CNTN3: variants seen among roughly 807,000 people sequenced by gnomAD.
CNTN3 encodes contactin-3.
Under a neutral mutation model 119.1 loss-of-function variants are expected in CNTN3, and 60 were observed. The observed-to-expected ratio is 0.50, with a 90% CI of 0.41 to 0.62. CNTN3 has a LOEUF of 0.62. Ranked by LOEUF, CNTN3 falls within the 20% of genes least tolerant of loss-of-function variation. CNTN3 has a pLI of 0.00. For missense variants in CNTN3, 1,101 were observed against 1,242.4 expected, an observed-to-expected ratio of 0.89 and a Z score of 1.71; for synonymous variants, 450 against 438.7, an observed-to-expected ratio of 1.03 and a Z score of -0.32.
chr3:74,360,028 T>C (rs1704043332), intron 11 of CNTN3, among the ~76,000 whole-genome samples: 2 of 152,334 alleles, frequency 1.3e-5, no homozygotes, highest in South Asian at 4.1e-4. Flanking sequence ...GGTTGGATTA[T>C]GGTGAACCAC....
At chr3:74,515,834 C>T (rs771681112) in intron 2 of CNTN3, among the ~76,000 whole-genome samples, 4 of 152,002 alleles carry the variant, frequency 2.6e-5, no homozygotes, top group Non-Finnish European at 5.9e-5. Flanking sequence ...AGCGTTTGAC[C>T]ATTCACTTAA....
chr3:74,284,976 C>T (rs985988848), intron 20 of CNTN3, among the ~76,000 whole-genome samples: 24 of 152,164 alleles, frequency 1.6e-4, no homozygotes, highest in Non-Finnish European at 1.5e-4. Flanking sequence ...TATCAGAAAT[C>T]CTCAAGCTTT....
At chr3:74,597,435 T>G (rs979220420) in intron 1 of CNTN3, among the ~76,000 whole-genome samples, 3 of 152,038 alleles carry the variant, frequency 2.0e-5, no homozygotes, top group African/African-American at 7.2e-5. Flanking sequence ...GCTACTGAGC[T>G]GTGGCTTTGT....
intron 4 of CNTN3, among the ~76,000 whole-genome samples, chr3:74,471,218 T>G (rs544896060): frequency 1.3e-5 from 2 of 152,058 alleles, no homozygotes; most frequent in South Asian, 2.1e-4. Context: ...GGGGGAGAGA[T>G]AACATTAGGA....
intron 4 of CNTN3, among the ~76,000 whole-genome samples, chr3:74,476,639 A>G (rs1702660499): frequency 6.6e-6 from 1 of 152,182 alleles, no homozygotes; most frequent in Non-Finnish European, 1.5e-5. Flanking sequence ...ATGAATACCT[A>G]AATACTTTAG....
chr3:74,361,568 C>A (rs113866425), intron 11 of CNTN3, among the ~76,000 whole-genome samples: 37 of 152,278 alleles, frequency 2.4e-4, no homozygotes, highest in African/African-American at 8.4e-4. Context: ...TCTTCTTTGT[C>A]CTGGGATGTG....
chr3:74,266,709 G>A, intron 21 of CNTN3, 60 bp from the exon 22 acceptor site: 1 of 1,495,354 alleles, frequency 6.7e-7, no homozygotes, highest in Non-Finnish European at 9.3e-7. Flanking sequence ...TTTCTTCATA[G>A]AATTTGTCTC....
intron 4 of CNTN3, among the ~76,000 whole-genome samples, chr3:74,470,874 TTGTTG>T (rs1313850093): frequency 2.8e-3 from 83 of 29,582 alleles, no homozygotes; most frequent in African/African-American, 0.014. Flanking sequence ...CGGTTTTTTG[TTGTTG>T]TTGTTGTTGT....
intron 2 of CNTN3, among the ~76,000 whole-genome samples, chr3:74,506,532 T>C (rs977939858): frequency 2.0e-5 from 3 of 152,192 alleles, no homozygotes; most frequent in East Asian, 1.9e-4. Flanking sequence ...ATTCATGCTA[T>C]TTTCTTTTTA....
At chr3:74,292,736 C>T (rs1479119298) in intron 19 of CNTN3, among the ~76,000 whole-genome samples, 3 of 152,202 alleles carry the variant, frequency 2.0e-5, no homozygotes, top group African/African-American at 7.2e-5. Flanking sequence ...ATTTTCCAAA[C>T]ACAGCTGGCA....
intron 11 of CNTN3, among the ~76,000 whole-genome samples, chr3:74,357,528 C>A (rs1185769613): frequency 6.6e-6 from 1 of 152,060 alleles, no homozygotes; most frequent in Non-Finnish European, 1.5e-5. Flanking sequence ...GGTGATCCAC[C>A]CGCCTTGGCC....
At chr3:74,458,698 G>C (rs952356230) in intron 4 of CNTN3, among the ~76,000 whole-genome samples, 1 of 152,020 alleles carries the variant, frequency 6.6e-6, no homozygotes, top group Non-Finnish European at 1.5e-5. Context: ...GATAGGAGAG[G>C]TTTCACTACA....
At chr3:74,445,192 C>T (rs112920847) in intron 4 of CNTN3, among the ~76,000 whole-genome samples, 105 of 152,286 alleles carry the variant, frequency 6.9e-4, no homozygotes, top group African/African-American at 2.5e-3. Context: ...CAATGCAACA[C>T]TTTCTAAAAT....
At chr3:74,375,193 G>T (rs60191749) in intron 5 of CNTN3, among the ~76,000 whole-genome samples, 1 of 151,996 alleles carries the variant, frequency 6.6e-6, no homozygotes, top group Non-Finnish European at 1.5e-5. Flanking sequence ...GATCCTTGAC[G>T]AACAACAAAG....
At chr3:74,403,872 C>T (rs1191260570) in intron 5 of CNTN3, among the ~76,000 whole-genome samples, 2 of 151,584 alleles carry the variant, frequency 1.3e-5, no homozygotes, top group Non-Finnish European at 2.9e-5. Flanking sequence ...CCTGCTCTGT[C>T]TACTCTTCTC....
At chr3:74,551,001 A>G (rs957025985) in intron 1 of CNTN3, among the ~76,000 whole-genome samples, 2 of 152,204 alleles carry the variant, frequency 1.3e-5, no homozygotes, top group African/African-American at 4.8e-5. Context: ...CGAGTCCCCA[A>G]TACGGACTAG....
intron 5 of CNTN3, among the ~76,000 whole-genome samples, chr3:74,386,804 A>G (rs929537369): frequency 6.6e-6 from 1 of 152,242 alleles, no homozygotes; most frequent in Non-Finnish European, 1.5e-5. Context: ...ATGAGTGTTC[A>G]ATAAATGTTT....
intron 4 of CNTN3, among the ~76,000 whole-genome samples, chr3:74,472,187 T>C (rs1702577652): frequency 6.6e-6 from 1 of 152,156 alleles, no homozygotes; most frequent in African/African-American, 2.4e-5. Context: ...GTGGTTCAAA[T>C]AATGCACTAC....
intron 13 of CNTN3, among the ~76,000 whole-genome samples, chr3:74,317,121 G>T (rs1702849686): frequency 6.7e-6 from 1 of 148,690 alleles, no homozygotes; most frequent in East Asian, 2.1e-4. Context: ...GATCTTTGTT[G>T]GTTTAAAGTC....
Sources: allele counts gnomAD v4.1 joint callset (sites outside exome capture counted in the v4.1 genomes callset), GRCh38; gene constraint gnomAD v4.1.1; transcripts MANE v1.5; gene names NCBI Gene and HGNC (gene_info 2026-07-23, HGNC 2026-07-21).